The following LRRC4C variants were observed in gnomAD, a reference collection of about 807,000 sequenced individuals.
The protein encoded by LRRC4C is leucine rich repeat containing 4C.
A neutral mutation model predicts 33.6 loss-of-function variants in LRRC4C; 5 were observed. The ratio of observed to expected loss-of-function variants is 0.15; its 90% CI spans 0.08 to 0.31. LRRC4C has a LOEUF of 0.31. LRRC4C is among the 10% of genes least tolerant of loss of function. The probability of loss-of-function intolerance (pLI) is 1.00; values close to 1 mark genes in which losing one functional copy is unlikely to be tolerated. For missense variants in LRRC4C, 560 were observed against 796.7 expected (o/e 0.70, Z 3.58); for synonymous variants, 329 against 302.0 (o/e 1.09, Z -0.93).
chr11:40,471,227 T>C (rs1952919052), intron 3 of LRRC4C, among the ~76,000 whole-genome samples: 1 of 152,152 alleles, frequency 6.6e-6, no homozygotes, highest in Non-Finnish European at 1.5e-5. Flanking sequence ...TAGAGGACAA[T>C]ATTCAACATT....
intron 1 of LRRC4C, among the ~76,000 whole-genome samples, chr11:41,316,388 C>G (rs1950798674): frequency 6.6e-6 from 1 of 151,666 alleles, no homozygotes; most frequent in Admixed American, 6.6e-5. Flanking sequence ...ATTATGAGAG[C>G]AAGGGCATTC....
intron 1 of LRRC4C, among the ~76,000 whole-genome samples, chr11:40,950,240 G>GT (rs888138448): frequency 4.0e-5 from 6 of 151,474 alleles, no homozygotes; most frequent in Admixed American, 6.6e-5. Context: ...ATTCCATTAT[G>GT]TTTTTTTCTT....
intron 1 of LRRC4C, among the ~76,000 whole-genome samples, 162 bp from the exon 2 acceptor site, chr11:40,933,885 T>C (rs1003468911): frequency 6.6e-6 from 1 of 152,218 alleles, no homozygotes; most frequent in African/African-American, 2.4e-5. Flanking sequence ...CATTTTATAA[T>C]ATGCCATGCT....
intron 1 of LRRC4C, among the ~76,000 whole-genome samples, chr11:41,367,693 A>C (rs759506414): frequency 1.3e-5 from 2 of 151,968 alleles, no homozygotes; most frequent in Non-Finnish European, 2.9e-5. Context: ...TCTTTTAGAC[A>C]CTCGGTATGG....
chr11:40,311,367 C>A (rs984337947), intron 4 of LRRC4C, among the ~76,000 whole-genome samples: 1 of 152,252 alleles, frequency 6.6e-6, no homozygotes, highest in African/African-American at 2.4e-5. Flanking sequence ...CCTGGGTAAC[C>A]CTAGTGCCTA....
chr11:40,564,725 G>A (rs528819160), intron 3 of LRRC4C, among the ~76,000 whole-genome samples: 181 of 152,296 alleles, frequency 1.2e-3, no homozygotes, highest in Non-Finnish European at 2.1e-3. Context: ...GGTCCCTAAA[G>A]AGGGAATACT....
At chr11:40,584,422 G>A (rs1339633212) in intron 3 of LRRC4C, among the ~76,000 whole-genome samples, 2 of 151,880 alleles carry the variant, frequency 1.3e-5, no homozygotes, top group East Asian at 3.9e-4. Context: ...CTTGATGACA[G>A]TATTATTTTC....
At chr11:40,572,273 G>A (rs139791287) in intron 3 of LRRC4C, among the ~76,000 whole-genome samples, 13 of 152,282 alleles carry the variant, frequency 8.5e-5, no homozygotes, top group Admixed American at 3.9e-4. Flanking sequence ...TAGATACTAA[G>A]GTCCAGACCC....
chr11:40,462,637 T>G (rs1023105632), intron 3 of LRRC4C, among the ~76,000 whole-genome samples: 2 of 152,048 alleles, frequency 1.3e-5, no homozygotes, highest in South Asian at 4.1e-4. Flanking sequence ...AATAAATATA[T>G]ATTATTCATT....
intron 1 of LRRC4C, among the ~76,000 whole-genome samples, chr11:41,218,194 T>C (rs1473119335): frequency 2.7e-5 from 4 of 150,936 alleles, no homozygotes; most frequent in African/African-American, 9.7e-5. Flanking sequence ...TCTAACACAG[T>C]GTATAGTGCA....
chr11:40,296,363 A>G (rs1345388099), intron 4 of LRRC4C, among the ~76,000 whole-genome samples: 3 of 152,188 alleles, frequency 2.0e-5, no homozygotes, highest in Non-Finnish European at 4.4e-5. Context: ...TCTCATATAT[A>G]TCACCTTATT....
intron 3 of LRRC4C, among the ~76,000 whole-genome samples, chr11:40,440,063 C>A (rs555101883): frequency 6.6e-6 from 1 of 152,328 alleles, no homozygotes; most frequent in East Asian, 1.9e-4. Flanking sequence ...GTCTGGCCTG[C>A]ATAGTCAAAA....
At chr11:40,385,194 G>A (rs1203183795) in intron 3 of LRRC4C, among the ~76,000 whole-genome samples, 1 of 151,982 alleles carries the variant, frequency 6.6e-6, no homozygotes, top group African/African-American at 2.4e-5. Flanking sequence ...GCTGTTTCAT[G>A]GTGATGTCTG....
At chr11:40,360,539 T>C (rs1388204390) in intron 3 of LRRC4C, among the ~76,000 whole-genome samples, 3 of 152,312 alleles carry the variant, frequency 2.0e-5, no homozygotes, top group East Asian at 3.9e-4. Context: ...TCAGAGGGTC[T>C]TGCCTCAATA....
At position 41,034,433 on chromosome 11, in the gene LRRC4C, A is replaced by AAC. The variant is rs3067314; in HGVS notation, c.-495-100712_-495-100711dup. Among the ~76,000 whole-genome samples the AAC allele has an allele frequency of 1.3e-3, 183 of 139,200 alleles. 1 individual carries two copies. The highest frequency in any genetic ancestry group is 3.8e-3 in the Middle Eastern group (1 of 260). The allele number at this position is 139,200 out of a possible 152,430, so 91.3% of individuals were successfully genotyped here. On this transcript the variant is annotated intron_variant, in intron 1 of 6. Transcript: ENST00000528697. ...GACTAAGACACATATGAACAATCCA[A>AAC]ACACACACACACACACACACACACC...
chr11:40,566,877 T>C (rs1219102350), intron 3 of LRRC4C, among the ~76,000 whole-genome samples: 6 of 152,172 alleles, frequency 3.9e-5, no homozygotes, highest in African/African-American at 1.4e-4. Context: ...TAAATTACAA[T>C]GTGTCAGGCA....
At chr11:40,401,167 T>TAA (rs5791377) in intron 3 of LRRC4C, among the ~76,000 whole-genome samples, 163 of 150,686 alleles carry the variant, frequency 1.1e-3, no homozygotes, top group Non-Finnish European at 1.8e-3. Flanking sequence ...GCTTAATTAT[T>TAA]AAAAAAAAAA....
At chr11:40,445,046 C>T (rs1373844088) in intron 3 of LRRC4C, among the ~76,000 whole-genome samples, 1 of 152,200 alleles carries the variant, frequency 6.6e-6, no homozygotes, top group Non-Finnish European at 1.5e-5. Flanking sequence ...CCTTCATCCC[C>T]ACAAGGCATA....
At chr11:40,904,909 G>T (rs930069014) in intron 2 of LRRC4C, among the ~76,000 whole-genome samples, 1 of 152,150 alleles carries the variant, frequency 6.6e-6, no homozygotes, top group African/African-American at 2.4e-5. Flanking sequence ...GATGAAGCCA[G>T]CCAGTGAGAC....
Sources: gnomAD v4.1 joint callset for allele counts (sites outside exome capture counted in the v4.1 genomes callset) on GRCh38, gnomAD v4.1.1 for gene constraint, MANE v1.5 for transcripts, NCBI Gene and HGNC (gene_info 2026-07-23, HGNC 2026-07-21) for gene names.